Variants in PEX11G observed in about 807,000 individuals in gnomAD.
PEX11G encodes peroxisomal biogenesis factor 11 gamma.
PEX11G carries 20 observed loss-of-function variants against 22.5 expected under a neutral mutation model. That is an observed-to-expected ratio of 0.89 (90% confidence interval 0.62 to 1.29). PEX11G has a LOEUF of 1.29. PEX11G is among the 50% of genes most tolerant of loss of function. PEX11G has a pLI of 0.00. For missense variants in PEX11G, 347 were observed against 331.3 expected, an observed-to-expected ratio of 1.05 and a Z score of -0.37; for synonymous variants, 141 against 154.5, an observed-to-expected ratio of 0.91 and a Z score of 0.65.
chr19:7,477,269 A>G lies in PEX11G; in HGVS notation c.659T>C (p.Ile220Thr), dbSNP rs1295406369. 6.3e-7 allele frequency: 1 copy of G among 1,584,006 alleles called. No homozygotes were observed. The highest frequency in any genetic ancestry group is 8.6e-7 in the Non-Finnish European group (1 of 1,167,402). Residue 220 changes from isoleucine (I) to threonine (T), a missense_variant, in exon 5 of 5, where the codon ATC becomes ACC. By Grantham distance (89) the Ile-to-Thr change is moderately conservative. Coordinates refer to ENST00000221480, the MANE Select transcript of PEX11G (RefSeq NM_080662.4). The stretch of plus-strand genomic sequence containing the variant: ...CTGGTACATGCTGAGGATTGAGGAG[A>G]TGGTGCCCATGAGGCCCACTAGCCA... ...PPWLVGLMGT[I>T]SSILSMYQAA...
rs139507247 is a variant in PEX11G, at chr19:7,485,942, G to C, written c.145C>G (p.Leu49Val). 3.7e-4 allele frequency: 590 copies of C among 1,613,298 alleles called. No individual in the cohort carries two copies. The highest frequency in any genetic ancestry group is 4.5e-4 in the Non-Finnish European group (531 of 1,179,438). The change falls in exon 2 of 5, where the codon CTG (leucine) becomes GTG (valine). Residue 49 changes from leucine to valine, a missense_variant. Physicochemically the swap from Leu to Val is conservative, Grantham distance 32. Transcript: ENST00000221480. ...CPARSEVGTRLLVVSTQLSHC... is the reference protein window; with the variant it reads ...CPARSEVGTRVLVVSTQLSHC... ...CTGAGTTGGGTGGACACCACCAACAGACGTGTCCCCACTTCGGACCTGGCG... is the reference window on the plus strand; with the variant it reads ...CTGAGTTGGGTGGACACCACCAACACACGTGTCCCCACTTCGGACCTGGCG...
intron 1 of PEX11G, 116 bp downstream of exon 1, chr19:7,488,835 C>T (rs1237775209): frequency 1.3e-5 from 14 of 1,060,464 alleles, no homozygotes; most frequent in Non-Finnish European, 2.0e-5. Context: ...CTAGCTCGGA[C>T]GGGGCCTCTG....
intron 2 of PEX11G, 45 bp from the exon 3 acceptor site, chr19:7,482,256 C>T: frequency 6.6e-7 from 1 of 1,509,014 alleles, no homozygotes; most frequent in Non-Finnish European, 8.9e-7. Context: ...GACTTACCCA[C>T]TGCCCATTTT....
chr19:7,483,037 G>A (rs970186526), intron 2 of PEX11G, among the ~76,000 whole-genome samples: 2 of 152,164 alleles, frequency 1.3e-5, no homozygotes, highest in Non-Finnish European at 2.9e-5. Context: ...TCTGGGACTG[G>A]AGCCCCGCAG....
Position 7,477,307 on chromosome 19 carries a change from G to C in PEX11G, c.621C>G (p.Gly207=), listed in dbSNP as rs1255779976. 2.6e-6 allele frequency: 4 copies of C among 1,566,202 alleles called. No individual in the cohort carries two copies. Among genetic ancestry groups the C allele is most frequent in the Middle Eastern group, 1.7e-4 (1 of 5,974 alleles). ...GGCCCACTAGCCACGGCGGGAAGCG[G>C]CCGGCCCACAGCACGCCCCGGGGCA... ...HWLPRGVLWA[G]RFPPWLVGLM... The change falls in exon 5 of 5, where the codon GGC becomes GGG. Residue 207 remains glycine, a synonymous_variant. Coordinates refer to ENST00000221480, the MANE Select transcript of PEX11G (RefSeq NM_080662.4).
chr19:7,486,820 T>G (rs1322578108), intron 1 of PEX11G, among the ~76,000 whole-genome samples: 3 of 151,308 alleles, frequency 2.0e-5, no homozygotes, highest in Non-Finnish European at 4.4e-5. Flanking sequence ...AGGATGGTCT[T>G]GATCTCCTGA....
intron 3 of PEX11G, among the ~76,000 whole-genome samples, chr19:7,481,783 C>T (rs1977498481): frequency 7.0e-6 from 1 of 142,522 alleles, no homozygotes; most frequent in African/African-American, 2.5e-5. Flanking sequence ...TTCTGACTTC[C>T]AGCCTTCAGA....
At position 7,477,345 on chromosome 19, in the gene PEX11G, C is replaced by T. The variant is rs1228587316; in HGVS notation, c.583G>A (p.Ala195Thr). ...LLSNLADLAN[A>T]VHWLPRGVLW... ...ACGCCCCGGGGCAGCCAGTGCACGG[C>T]GTTGGCCAGGTCGGCCAGGTTGCTG... The change falls in exon 5 of 5, where the codon GCC becomes ACC. Residue 195 changes from alanine to threonine, a missense_variant. By Grantham distance (58) the Ala-to-Thr change is moderately conservative. Transcript: ENST00000221480. 7 of 1,558,882 alleles carry T rather than the reference C, an allele frequency of 4.5e-6. No homozygotes were observed. The highest frequency in any genetic ancestry group is 3.5e-5 in the South Asian group (3 of 84,552).
Position 7,485,876 on chromosome 19 carries a change from T to C in PEX11G, c.211A>G (p.Met71Val). 6.2e-7 allele frequency: 1 copy of C among 1,612,886 alleles called. No homozygotes were observed. Among genetic ancestry groups the C allele is most frequent in the South Asian group, 1.1e-5 (1 of 91,030 alleles). Residue 71 changes from methionine to valine, a missense_variant, in exon 2 of 5, where the codon ATG becomes GTG. Transcript: ENST00000221480. ...TILRLFDDLAMFVYTKQYGLG... is the reference protein window; with the variant it reads ...TILRLFDDLAVFVYTKQYGLG... ...CCATATTGCTTAGTGTAGACAAACATGGCCAGGTCATCAAAGAGTCGCAAG... is the reference window on the plus strand; with the variant it reads ...CCATATTGCTTAGTGTAGACAAACACGGCCAGGTCATCAAAGAGTCGCAAG...
chr19:7,489,426 A>T, upstream of PEX11G: 1 of 1,008,298 alleles, frequency 9.9e-7, no homozygotes, highest in Non-Finnish European at 1.2e-6. Context: ...GCCTGCCCGT[A>T]GTGAGCAGGA....
rs561484143 is a variant in PEX11G, at chr19:7,488,963, G to GC, written c.47dup (p.Arg17ProfsTer21). 1.1e-3 allele frequency: 1,634 copies of GC among 1,555,018 alleles called. 13 individuals are homozygous for GC. In the African/African-American group the frequency reaches 0.02, roughly 19 times the overall value. On this transcript the variant is annotated frameshift_variant, in exon 1 of 5. Transcript: ENST00000221480. LOFTEE classifies it high-confidence loss of function. ...GCCCCTGCCTCACCAGGCGGTCCCG[G>GC]CCCCTGTACGACTCCAGCGCCGACG... is the stretch of plus-strand genomic sequence containing the variant.
At chr19:7,478,227 T>C (rs7251857) in intron 4 of PEX11G, 87 bp downstream of exon 4, 242,703 of 1,414,408 alleles carry the variant, frequency 0.17, 29,665 homozygotes, top group African/African-American at 0.57. Context: ...GTCCCCAGCA[T>C]GGGCCTGCAC....
chr19:7,489,129 C>G (rs1041008155), upstream of PEX11G: 5 of 1,274,964 alleles, frequency 3.9e-6, no homozygotes, highest in Non-Finnish European at 5.1e-6. Context: ...CTTTGTCCCC[C>G]TGACCGGCTT....
At chr19:7,494,307 G>T (rs950196513) in intron 1 of PEX11G, among the ~76,000 whole-genome samples, 2 of 152,126 alleles carry the variant, frequency 1.3e-5, no homozygotes, top group African/African-American at 4.8e-5. Context: ...CACGAGAATC[G>T]ATTGAATCCA....
Position 7,488,985 on chromosome 19 carries a change from G to C in PEX11G, c.26C>G (p.Ser9Trp). The change falls in exon 1 of 5, where the codon TCG (serine) becomes TGG (tryptophan). Residue 9 changes from serine (S) to tryptophan (W), a missense_variant. Transcript: ENST00000221480. MASLSGLA[S>W]ALESYRGRDR... ...CCGGCCCCTGTACGACTCCAGCGCC[G>C]ACGCCAGGCCGCTCAGCGACGCCAT... The C allele has an allele frequency of 2.6e-6, 4 of 1,549,110 alleles. No individual in the cohort carries two copies. The highest frequency in any genetic ancestry group is 1.2e-5 in the South Asian group (1 of 84,214).
rs184296663 is a variant in PEX11G at position 7,479,560 on chromosome 19, C to A, written c.429-1184G>T. 4.5e-4 allele frequency among the ~76,000 whole-genome samples: 69 copies of A among 152,346 alleles called. No homozygotes were observed. The East Asian group carries it at 0.012, about 26-fold the overall frequency. On this transcript the variant is annotated intron_variant, in intron 3 of 4. Coordinates refer to ENST00000221480, the MANE Select transcript of PEX11G (RefSeq NM_080662.4). ...AACCTCCTGGCTGATGCTCCGGCAG[C>A]CCTGGGCCTTAGGGCAGATGTCTGG...
chr19:7,493,264 C>T (rs1483244840), upstream of PEX11G, among the ~76,000 whole-genome samples: 1 of 151,664 alleles, frequency 6.6e-6, no homozygotes, highest in Non-Finnish European at 1.5e-5. Context: ...ATGATTTCGG[C>T]TCACTGCCAT....
chr19:7,490,642 A>ATTTTTTTTTTTT (rs749165168), upstream of PEX11G, among the ~76,000 whole-genome samples: 1 of 55,074 alleles, frequency 1.8e-5, no homozygotes, highest in Non-Finnish European at 3.3e-5. Context: ...CCTGGCCTCT[A>ATTTTTTTTTTTT]TTTTTTTTTT....
At chr19:7,488,773 G>T (rs983670321) in intron 1 of PEX11G, among the ~76,000 whole-genome samples, 178 bp downstream of exon 1, 17 of 152,236 alleles carry the variant, frequency 1.1e-4, no homozygotes, top group Non-Finnish European at 2.2e-4. Context: ...CTGCACTCCA[G>T]CCAAAATAAA....
Sources: allele counts gnomAD v4.1 joint callset (sites outside exome capture counted in the v4.1 genomes callset), GRCh38; gene constraint gnomAD v4.1.1; transcripts MANE v1.5; gene names NCBI Gene and HGNC (gene_info 2026-07-23, HGNC 2026-07-21).